Variants in MICALL2 observed in about 807,000 individuals in gnomAD.
MICALL2 encodes MICAL like 2.
A neutral mutation model predicts 91.1 loss-of-function variants in MICALL2; 111 were observed. The ratio of observed to expected loss-of-function variants is 1.22; its 90% CI spans 1.04 to 1.43. The LOEUF (loss-of-function observed/expected upper bound fraction) is 1.43. MICALL2 is among the 40% of genes most tolerant of loss of function. The probability of loss-of-function intolerance (pLI) is 0.00; values close to 1 mark genes in which losing one functional copy is unlikely to be tolerated. For missense variants in MICALL2, 1,556 were observed against 1,236.0 expected, an observed-to-expected ratio of 1.26 and a Z score of -3.88; for synonymous variants, 694 against 525.3, an observed-to-expected ratio of 1.32 and a Z score of -4.39.
rs769132380 is a variant in MICALL2 at position 1,446,794 on chromosome 7, G to T, written c.560C>A (p.Thr187Asn). The T allele has an allele frequency of 8.1e-6, 13 of 1,605,368 alleles. No homozygotes were observed. The highest frequency in any genetic ancestry group is 1.7e-4 in the Middle Eastern group (1 of 5,816). The change falls in exon 5 of 17, where the codon ACC becomes AAC. Residue 187 changes from threonine (T) to asparagine (N), a missense_variant. Thr to Asn is a moderately conservative substitution (Grantham distance 65, BLOSUM62 0). Coordinates refer to ENST00000297508, the MANE Select transcript of MICALL2 (RefSeq NM_182924.4). Reference protein sequence around the residue: ...QALAGSLVSSTCGVCGKHVHL... With the variant: ...QALAGSLVSSNCGVCGKHVHL... ...CACGTGCTTGCCGCAGACCCCGCAG[G>T]TGCTGCTGACCAAGCTGCCCGCCAA...
At chr7:1,441,948 CG>C in intron 7 of MICALL2, 1 of 564,040 alleles carries the variant, frequency 1.8e-6, no homozygotes, top group South Asian at 2.1e-5. Flanking sequence ...ACCTGCAGGA[CG>C]TGCGGATGGG....
rs1377594964 is a variant in MICALL2 at position 1,438,931 on chromosome 7, G to A, written c.2031C>T (p.Asp677=). 1.9e-6 allele frequency: 3 copies of A among 1,607,106 alleles called. No individual in the cohort carries two copies. The East Asian group carries it at 6.7e-5, about 36-fold the overall frequency. The change falls in exon 10 of 17, where the codon GAC becomes GAT. Residue 677 remains aspartate, a synonymous_variant. Coordinates refer to ENST00000297508, the MANE Select transcript of MICALL2 (RefSeq NM_182924.4). ...LAVPASLDVC[D]NWLRPEPPGQ... Reference sequence around the variant, plus strand: ...CAGGGGGCTCCGGCCGAAGCCAGTTGTCACAAACGTCGAGGCTGGCAGGGA... The same window carrying A: ...CAGGGGGCTCCGGCCGAAGCCAGTTATCACAAACGTCGAGGCTGGCAGGGA...
rs936730853 is a variant in MICALL2, at chr7:1,445,525, G to A, written c.642-97C>T. 1.7e-5 allele frequency: 21 copies of A among 1,234,166 alleles called. No homozygotes were observed. The Admixed American group carries it at 2.8e-4, about 17-fold the overall frequency. 76.5% of individuals were successfully genotyped at this position (1,234,166 alleles called of 1,614,324 possible). On this transcript the variant is annotated intron_variant, in intron 5 of 16. Coordinates refer to ENST00000297508, the MANE Select transcript of MICALL2 (RefSeq NM_182924.4). ...GATAGCAGGCATTGCGGACTCCTGT[G>A]TCCACTTGCGAGGTTGCTGAACGCC...
At chr7:1,435,074 A>G in intron 16 of MICALL2, 27 bp downstream of exon 16, 1 of 1,551,506 alleles carries the variant, frequency 6.4e-7, no homozygotes, top group Non-Finnish European at 8.7e-7. Flanking sequence ...CAGCCAGCCC[A>G]GCCCTCAGCA....
rs1780673547 is a variant in MICALL2 at position 1,447,968 on chromosome 7, C to G, written c.335-203G>C. 9 of 423,414 alleles carry G rather than the reference C, an allele frequency of 2.1e-5. No individual in the cohort carries two copies. In the South Asian group the frequency reaches 6.7e-4, roughly 31 times the overall value. 26.2% of individuals were successfully genotyped at this position (423,414 alleles called of 1,614,324 possible). ...CACTCCTTCCCTCCCCACTCAGAGCCCCAGCTGGAGTCAGGGAAAAGGGAC... is the reference window on the plus strand; with the variant it reads ...CACTCCTTCCCTCCCCACTCAGAGCGCCAGCTGGAGTCAGGGAAAAGGGAC... On this transcript the variant is annotated intron_variant, in intron 3 of 16. Coordinates refer to ENST00000297508, the MANE Select transcript of MICALL2 (RefSeq NM_182924.4).
At chr7:1,437,404 G>T in intron 14 of MICALL2, 131 bp downstream of exon 14, 1 of 764,090 alleles carries the variant, frequency 1.3e-6, no homozygotes, top group South Asian at 1.9e-5. Flanking sequence ...ACTCAAACGT[G>T]GGCTCGCCTG....
intron 14 of MICALL2, chr7:1,437,262 T>C (rs1010867004): frequency 2.0e-6 from 1 of 512,414 alleles, no homozygotes; most frequent in African/African-American, 2.0e-5. Context: ...GCGAATTGAT[T>C]CGTTTAATCC....
Position 1,436,628 on chromosome 7 carries a change from A to G in MICALL2, c.2591+114T>C, listed in dbSNP as rs189048458. 3.5e-4 allele frequency: 233 copies of G among 668,666 alleles called. 2 individuals are homozygous for G. In the East Asian group the frequency reaches 6.1e-3, roughly 17 times the overall value. 41.4% of individuals were successfully genotyped at this position (668,666 alleles called of 1,614,324 possible). A position where few individuals can be genotyped will look rare whatever the true frequency, so the allele number is the denominator to read the frequency against. On this transcript the variant is annotated intron_variant, in intron 15 of 16. Transcript: ENST00000297508. ...CCCTGGCTACTGTACCAGTCAGCAT[A>G]GACAATAACCGCCTGGTCAGAAAGT... is the stretch of plus-strand genomic sequence containing the variant.
intron 9 of MICALL2, chr7:1,439,298 T>TATTCCTA: frequency 2.5e-6 from 1 of 396,402 alleles, no homozygotes; most frequent in South Asian, 4.2e-5. Flanking sequence ...GAGATGTGTG[T>TATTCCTA]GCACACACAC....
chr7:1,445,756 C>A (rs995882868), intron 5 of MICALL2, among the ~76,000 whole-genome samples: 4 of 152,170 alleles, frequency 2.6e-5, no homozygotes, highest in African/African-American at 4.8e-5. Context: ...CCACAGGCCA[C>A]CCCAGGCCCC....
chr7:1,439,414 C>T (rs2081285519), intron 9 of MICALL2: 2 of 219,282 alleles, frequency 9.1e-6, no homozygotes, highest in South Asian at 9.4e-5. Flanking sequence ...CGGTTGCACA[C>T]ACATGCATCA....
intron 2 of MICALL2, 84 bp downstream of exon 2, chr7:1,450,156 G>A (rs974002636): frequency 3.8e-6 from 4 of 1,061,810 alleles, no homozygotes; most frequent in African/African-American, 3.1e-5. Flanking sequence ...CAGGGCCTGG[G>A]GGGAGTCCCT....
chr7:1,440,118 C>G, intron 8 of MICALL2, 33 bp from the exon 9 acceptor site: 1 of 1,559,106 alleles, frequency 6.4e-7, no homozygotes, highest in African/African-American at 1.6e-5. Flanking sequence ...GAACCCGAAC[C>G]ACCAGCCCCA....
intron 10 of MICALL2, 180 bp from the exon 11 acceptor site, chr7:1,438,533 C>A: frequency 7.0e-7 from 1 of 1,433,882 alleles, no homozygotes. Flanking sequence ...GAGTGGCCTC[C>A]AGGCCCAGCC....
chr7:1,445,000 G>A lies in MICALL2; in HGVS notation c.1070C>T (p.Ala357Val), dbSNP rs751473342. 13 of 1,510,724 alleles carry A rather than the reference G, an allele frequency of 8.6e-6. No homozygotes were observed. Among genetic ancestry groups the A allele is most frequent in the African/African-American group, 2.8e-5 (2 of 72,418 alleles). The allele number at this position is 1,510,724 out of a possible 1,614,324, so 93.6% of individuals were successfully genotyped here. Residue 357 changes from alanine (A) to valine (V), a missense_variant, in exon 6 of 17, where the codon GCG (alanine) becomes GTG (valine). Coordinates refer to ENST00000297508, the MANE Select transcript of MICALL2 (RefSeq NM_182924.4). ...GGGCACGGCGGGATGGGAGGCAGCC[G>A]CTGCTGTGCACGGGGCAGCTGACGA... is the stretch of plus-strand genomic sequence containing the variant. The part of the protein sequence containing the change: ...GWSSAAPCTA[A>V]AASHPAVPPS...
chr7:1,443,094 C>T (rs958673819), intron 6 of MICALL2, among the ~76,000 whole-genome samples: 4 of 134,736 alleles, frequency 3.0e-5, no homozygotes, highest in East Asian at 2.7e-4. Context: ...CCACCCCCCT[C>T]GACAACCAGT....
At chr7:1,449,875 G>A (rs1780757673) in intron 2 of MICALL2, among the ~76,000 whole-genome samples, 1 of 152,230 alleles carries the variant, frequency 6.6e-6, no homozygotes, top group South Asian at 2.1e-4. Context: ...AGTGGCAGCA[G>A]GCCCACTGGG....
chr7:1,439,240 G>A (rs1780140779), intron 9 of MICALL2: 1 of 520,342 alleles, frequency 1.9e-6, no homozygotes, highest in Admixed American at 3.6e-5. Flanking sequence ...AGTGGCACGA[G>A]AGCTGGATAT....
intron 2 of MICALL2, 133 bp from the exon 3 acceptor site, chr7:1,448,894 C>A: frequency 9.2e-7 from 1 of 1,087,074 alleles, no homozygotes. Context: ...GAGCTGAGTT[C>A]TGCTCGCGTG....
Sources: gnomAD v4.1 joint callset for allele counts (sites outside exome capture counted in the v4.1 genomes callset) on GRCh38, gnomAD v4.1.1 for gene constraint, MANE v1.5 for transcripts, NCBI Gene and HGNC (gene_info 2026-07-23, HGNC 2026-07-21) for gene names.